Variants in TSGA10 observed in about 807,000 individuals in gnomAD.
TSGA10 encodes testis specific 10, also known as testis-specific gene 10 protein.
Under a neutral mutation model 96.6 loss-of-function variants are expected in TSGA10, and 43 were observed. The ratio of observed to expected loss-of-function variants is 0.44; its 90% CI spans 0.35 to 0.57. TSGA10 has a LOEUF of 0.57. Among genes scored for constraint, TSGA10 ranks in the 20% least tolerant of loss-of-function variants. The probability of loss-of-function intolerance (pLI) is 0.01; values close to 1 mark genes in which losing one functional copy is unlikely to be tolerated. For missense variants in TSGA10, 703 were observed against 834.4 expected (o/e 0.84, Z 1.94); for synonymous variants, 229 against 269.9 (o/e 0.85, Z 1.48).
intron 1 of TSGA10, chr2:99,141,140 C>T (rs745968720): frequency 2.4e-6 from 3 of 1,273,894 alleles, no homozygotes; most frequent in Non-Finnish European, 3.1e-6. Context: ...CAGAGCTCAT[C>T]CCCGCGACTG....
chr2:99,152,710 TA>T (rs1182713540), intron 1 of TSGA10, among the ~76,000 whole-genome samples: 1 of 152,202 alleles, frequency 6.6e-6, no homozygotes, highest in East Asian at 1.9e-4. Context: ...GTGATGGTCA[TA>T]AAAGTGGAGA....
chr2:99,143,364 T>G (rs2093597313), intron 1 of TSGA10, among the ~76,000 whole-genome samples: 1 of 151,904 alleles, frequency 6.6e-6, no homozygotes, highest in Non-Finnish European at 1.5e-5. Flanking sequence ...TTTCACTGTG[T>G]TAGCCAGGAT....
intron 14 of TSGA10, among the ~76,000 whole-genome samples, chr2:99,070,197 A>G (rs2085777130): frequency 6.6e-6 from 1 of 152,196 alleles, no homozygotes; most frequent in Admixed American, 6.5e-5. Flanking sequence ...ATATTATAGT[A>G]AGCTAATAAT....
chr2:99,062,640 C>A (rs1340919828), intron 16 of TSGA10, among the ~76,000 whole-genome samples: 1 of 152,180 alleles, frequency 6.6e-6, no homozygotes, highest in Non-Finnish European at 1.5e-5. Context: ...GAGGCTGAGA[C>A]AGATGGATCA....
At position 99,078,678 on chromosome 2, in the gene TSGA10, C is replaced by T. The variant is rs2087047539; in HGVS notation, c.863G>A (p.Gly288Glu). 1 of 1,613,372 alleles carries T rather than the reference C, an allele frequency of 6.2e-7. No homozygotes were observed. The highest frequency in any genetic ancestry group is 1.3e-5 in the African/African-American group (1 of 74,998). Residue 288 changes from glycine to glutamate, a missense_variant, in exon 12 of 21, where the codon GGA becomes GAA. This residue lies in a region of TSGA10 where 585 missense variants were observed against 656.8 expected (regional missense o/e 0.89). Coordinates refer to ENST00000393483, the MANE Select transcript of TSGA10 (RefSeq NM_025244.4). ...DKKSENIASL[G>E]ESLAMKEKTI... ...ACATACTTTCATTGCCAAACTCTCT[C>T]CAAGGGATGCAATATTCTCAGATTT...
chr2:99,100,814 C>T lies in TSGA10; in HGVS notation c.611+3153G>A, dbSNP rs777089555. Among the ~76,000 whole-genome samples, 511 of 96,898 alleles carry T rather than the reference C, an allele frequency of 5.3e-3. 2 individuals are homozygous for T. Among genetic ancestry groups the T allele is most frequent in the Non-Finnish European group, 7.9e-3 (382 of 48,160 alleles). The allele number at this position is 96,898 out of a possible 152,430, so 63.6% of individuals were successfully genotyped here. Reference sequence around the variant, plus strand: ...CAGCCTGGGCAACAGAGCGAGACTCCGTCTCAAAAAAAAAAAAAAAAAAAT... The same window carrying T: ...CAGCCTGGGCAACAGAGCGAGACTCTGTCTCAAAAAAAAAAAAAAAAAAAT... On this transcript the variant is annotated intron_variant, in intron 10 of 20. Coordinates refer to ENST00000393483, the MANE Select transcript of TSGA10 (RefSeq NM_025244.4).
Position 99,105,385 on chromosome 2 carries a change from C to T in TSGA10, c.433G>A (p.Glu145Lys), listed in dbSNP as rs201326323. 1.0e-4 allele frequency: 164 copies of T among 1,611,476 alleles called. No homozygotes were observed. The highest frequency in any genetic ancestry group is 7.6e-6 in the Non-Finnish European group (9 of 1,179,534). The change falls in exon 9 of 21, where the codon GAG becomes AAG. Residue 145 changes from glutamate to lysine, a missense_variant. Physicochemically the swap from Glu to Lys is moderately conservative, Grantham distance 56. Around this residue, in one of 3 missense-constraint regions of TSGA10, gnomAD observed 585 missense variants for 656.8 expected, o/e 0.89. Transcript: ENST00000393483. Reference protein sequence around the residue: ...NEKAHLEQRIEELECTVHNLD... With the variant: ...NEKAHLEQRIKELECTVHNLD... ...TTATGAACTGTACACTCCAGCTCCTCTATCCTTTGTTCCAGGTGAGCCTTC... is the reference window on the plus strand; with the variant it reads ...TTATGAACTGTACACTCCAGCTCCTTTATCCTTTGTTCCAGGTGAGCCTTC...
intron 20 of TSGA10, among the ~76,000 whole-genome samples, chr2:99,016,796 G>GA (rs1361470807): frequency 6.6e-6 from 1 of 151,774 alleles, no homozygotes; most frequent in African/African-American, 2.4e-5. Context: ...CAATCAGCAA[G>GA]AAAAAACAAA....
intron 10 of TSGA10, chr2:99,102,546 G>GA: frequency 6.2e-7 from 1 of 1,614,112 alleles, no homozygotes. Context: ...CCAGGCTCTG[G>GA]ATGCTCAGCA....
intron 1 of TSGA10, among the ~76,000 whole-genome samples, chr2:99,149,605 G>C (rs756421902): frequency 6.6e-6 from 1 of 150,958 alleles, no homozygotes; most frequent in Non-Finnish European, 1.5e-5. Flanking sequence ...ACCACGCCCG[G>C]CTAATTCTTG....
At chr2:99,145,064 A>G (rs2093618581) in intron 1 of TSGA10, among the ~76,000 whole-genome samples, 1 of 152,210 alleles carries the variant, frequency 6.6e-6, no homozygotes, top group Non-Finnish European at 1.5e-5. Context: ...TCACTGGGCT[A>G]AAATCAAGAT....
intron 12 of TSGA10, among the ~76,000 whole-genome samples, chr2:99,074,000 C>CTTTTTTTT (rs1167854716): frequency 0.013 from 694 of 52,570 alleles, 144 homozygotes; most frequent in African/African-American, 0.02. Context: ...TGTTTCTTTT[C>CTTTTTTTT]TTTTTTTTTT....
chr2:99,120,015 C>T (rs1183021264), intron 2 of TSGA10, among the ~76,000 whole-genome samples: 1 of 152,110 alleles, frequency 6.6e-6, no homozygotes, highest in Non-Finnish European at 1.5e-5. Context: ...CTTCTCCTTT[C>T]CAGTATGTGT....
chr2:99,150,783 A>G (rs2093685623), intron 1 of TSGA10: 2 of 1,611,418 alleles, frequency 1.2e-6, no homozygotes, highest in African/African-American at 2.7e-5. Flanking sequence ...CCTTGGGTTC[A>G]GTGGTATATG....
intron 10 of TSGA10, among the ~76,000 whole-genome samples, chr2:99,100,570 C>G (rs1486885717): frequency 1.3e-5 from 2 of 151,988 alleles, no homozygotes; most frequent in Non-Finnish European, 2.9e-5. Context: ...CCTGTAATCC[C>G]AGCACTTTGG....
chr2:99,017,481 T>C lies in TSGA10; in HGVS notation c.2072+719A>G, dbSNP rs111911962. ...GGATGAAAGTTATAAGAATGATACA[T>C]TGGGCCGGGCGCGGTGGCTCACGCC... On this transcript the variant is annotated intron_variant, in intron 20 of 20. Coordinates refer to ENST00000393483, the MANE Select transcript of TSGA10 (RefSeq NM_025244.4). 1.8e-3 allele frequency among the ~76,000 whole-genome samples: 273 copies of C among 152,238 alleles called. 1 individual carries two copies. The highest frequency in any genetic ancestry group is 6.3e-3 in the African/African-American group (261 of 41,544).
At chr2:99,126,388 A>G (rs1345375003) in intron 2 of TSGA10, 1 of 152,238 alleles carries the variant, frequency 6.6e-6, no homozygotes, top group African/African-American at 2.4e-5. Context: ...TGTCTGCGAC[A>G]TACGGAGAAA....
chr2:99,023,024 A>C lies in TSGA10; in HGVS notation c.1615-2542T>G, dbSNP rs1486293703. On this transcript the variant is annotated intron_variant, in intron 17 of 20. Coordinates refer to ENST00000393483, the MANE Select transcript of TSGA10 (RefSeq NM_025244.4). ...GCCTAATTTTTTAGTTGGGTTATTA[A>C]GTTTTTTGTTTTTTGAGACAAGGTC... is the stretch of plus-strand genomic sequence containing the variant. Among the ~76,000 whole-genome samples, 3 of 152,002 alleles carry C rather than the reference A, an allele frequency of 2.0e-5. No homozygotes were observed. In the East Asian group the frequency reaches 5.8e-4, roughly 29 times the overall value.
intron 4 of TSGA10, among the ~76,000 whole-genome samples, chr2:99,115,089 C>T (rs6739579): frequency 0.6 from 90,574 of 151,908 alleles, 27,816 homozygotes; most frequent in East Asian, 0.88. Flanking sequence ...TATGGCAACA[C>T]GCCCAGCTAT....
Sources: gnomAD v4.1 joint callset for allele counts (sites outside exome capture counted in the v4.1 genomes callset) on GRCh38, gnomAD v4.1.1 for gene constraint, gnomAD v4.1.1 regional missense constraint, MANE v1.5 for transcripts, NCBI Gene and HGNC (gene_info 2026-07-23, HGNC 2026-07-21) for gene names.